TSHZ3: variants seen among roughly 807,000 people sequenced by gnomAD.
TSHZ3 encodes the protein teashirt homolog 3.
A neutral mutation model predicts 64.5 loss-of-function variants in TSHZ3; 10 were observed. The ratio of observed to expected loss-of-function variants is 0.16; its 90% CI spans 0.10 to 0.26. TSHZ3 has a LOEUF of 0.26. Among genes scored for constraint, TSHZ3 ranks in the 10% least tolerant of loss-of-function variants. The pLI is 1.00. For missense variants in TSHZ3, 1,242 were observed against 1,421.7 expected, an observed-to-expected ratio of 0.87 and a Z score of 2.03; for synonymous variants, 608 against 593.1, an observed-to-expected ratio of 1.03 and a Z score of -0.36.
At chr19:31,241,811 C>T (rs1270517836) in intron 3 of TSHZ3, among the ~76,000 whole-genome samples, 5 of 152,190 alleles carry the variant, frequency 3.3e-5, no homozygotes, top group African/African-American at 2.4e-5. Flanking sequence ...GAAATCACTG[C>T]TTTGTGTTAT....
intron 1 of TSHZ3, among the ~76,000 whole-genome samples, chr19:31,292,939 A>T (rs1304831995): frequency 2.0e-5 from 3 of 151,042 alleles, no homozygotes; most frequent in Admixed American, 1.3e-4. Context: ...CCATCCATCC[A>T]ACCAAAAACC....
At chr19:31,151,309 A>G (rs1974235293) in exon 7 of TSHZ3, among the ~76,000 whole-genome samples, 1 of 152,158 alleles carries the variant, frequency 6.6e-6, no homozygotes, top group Non-Finnish European at 1.5e-5. Flanking sequence ...AATGCTGTAC[A>G]TTCTTTACAG....
In TSHZ3 at chr19:31,267,473, C is replaced by T. The variant is rs564596206; in HGVS notation, n.64-24598G>A. On this transcript the variant is annotated intron_variant and non_coding_transcript_variant, in intron 1 of 6. Transcript: ENST00000651361. ...GCCCTCAATCCCCCACCACTCCTTC[C>T]CCTACCCGTGTCCCCAGAGCCTCCA... Among the ~76,000 whole-genome samples, 11 of 152,134 alleles carry T rather than the reference C, an allele frequency of 7.2e-5. No individual in the cohort carries two copies. In the South Asian group the frequency reaches 2.1e-3, roughly 29 times the overall value.
Position 31,254,774 on chromosome 19 carries a change from T to C in TSHZ3, n.64-11899A>G, listed in dbSNP as rs140335612. On this transcript the variant is annotated intron_variant and non_coding_transcript_variant, in intron 1 of 6. Transcript: ENST00000651361. ...CTGCAGTCAATGGGGCTAGTGCGTG[T>C]CTAAGGACAGCGGGAAGTGGCCTGC... 2.4e-3 allele frequency among the ~76,000 whole-genome samples: 365 copies of C among 152,272 alleles called. 1 individual carries two copies. The highest frequency in any genetic ancestry group is 8.4e-3 in the African/African-American group (347 of 41,546).
intron 1 of TSHZ3, among the ~76,000 whole-genome samples, chr19:31,330,659 A>T (rs1917057836): frequency 6.6e-6 from 1 of 151,654 alleles, no homozygotes; most frequent in Non-Finnish European, 1.5e-5. Flanking sequence ...TCTGGGCTCA[A>T]AACATCAATG....
intron 5 of TSHZ3, among the ~76,000 whole-genome samples, chr19:31,173,245 C>T (rs1974561886): frequency 6.6e-6 from 1 of 152,102 alleles, no homozygotes; most frequent in Admixed American, 6.5e-5. Flanking sequence ...AACAGGCTTA[C>T]CTCACAGATT....
At chr19:31,181,441 T>C (rs1396817551) in intron 5 of TSHZ3, among the ~76,000 whole-genome samples, 1 of 152,128 alleles carries the variant, frequency 6.6e-6, no homozygotes. Context: ...GTTTTCTCCA[T>C]GTCTAAGGGG....
At chr19:31,233,251 G>A (rs974054074) in intron 3 of TSHZ3, among the ~76,000 whole-genome samples, 1 of 152,126 alleles carries the variant, frequency 6.6e-6, no homozygotes, top group Non-Finnish European at 1.5e-5. Context: ...TTGTCAGTCT[G>A]TTTAATTTTA....
At chr19:31,273,736 CAT>C (rs1401326826), downstream of TSHZ3, among the ~76,000 whole-genome samples, 2 of 152,176 alleles carry the variant, frequency 1.3e-5, no homozygotes, top group Non-Finnish European at 1.5e-5. Context: ...TGGAGGGAAA[CAT>C]ATGTGTCCTT....
intron 4 of TSHZ3, among the ~76,000 whole-genome samples, chr19:31,206,077 ATGGATGG>A (rs1975164454): frequency 0.22 from 1,101 of 4,896 alleles, 1 homozygote; most frequent in Non-Finnish European, 0.25. Flanking sequence ...GATGGGTGAA[ATGGATGG>A]ATGGATGGAT....
At chr19:31,227,232 A>G (rs1443455633) in intron 4 of TSHZ3, among the ~76,000 whole-genome samples, 5 of 151,830 alleles carry the variant, frequency 3.3e-5, no homozygotes. Context: ...CACCCGTCTC[A>G]GCCTCCCAGA....
chr19:31,279,331 ACTGCTGCTG>A lies in TSHZ3; in HGVS notation c.453_461del (p.Ser157_Ser159del). On this transcript the variant is annotated inframe_deletion, in exon 2 of 2. Coordinates refer to ENST00000240587, the MANE Select transcript of TSHZ3 (RefSeq NM_020856.4). The surrounding 1 kb of genome is among the most constrained non-coding windows in gnomAD (Gnocchi z 6.4). The stretch of plus-strand genomic sequence containing the variant: ...CGCTGCCACAGCTGCTGCTGCTGCT[ACTGCTGCTG>A]CTGCTGCTGCCGTTGTTCTTCTCCG... The A allele has an allele frequency of 1.9e-6, 3 of 1,612,474 alleles. No homozygotes were observed. Among genetic ancestry groups the A allele is most frequent in the Non-Finnish European group, 2.5e-6 (3 of 1,179,016 alleles).
chr19:31,195,873 G>A (rs979600849), intron 5 of TSHZ3, among the ~76,000 whole-genome samples: 12 of 151,902 alleles, frequency 7.9e-5, no homozygotes, highest in Non-Finnish European at 1.6e-4. Context: ...TTAACAATGA[G>A]GATACTTTTT....
intron 5 of TSHZ3, among the ~76,000 whole-genome samples, chr19:31,179,653 T>C (rs1974670621): frequency 6.6e-6 from 1 of 152,068 alleles, no homozygotes; most frequent in South Asian, 2.1e-4. Flanking sequence ...GTGTTTGTGA[T>C]GGTGGCAATG....
chr19:31,164,239 A>G (rs1974411973), intron 5 of TSHZ3, among the ~76,000 whole-genome samples: 1 of 152,132 alleles, frequency 6.6e-6, no homozygotes, highest in East Asian at 1.9e-4. Flanking sequence ...ACATCGCACT[A>G]TTGCCCATGG....
chr19:31,209,600 A>T (rs1975234628), intron 4 of TSHZ3, among the ~76,000 whole-genome samples: 1 of 152,136 alleles, frequency 6.6e-6, no homozygotes, highest in South Asian at 2.1e-4. Flanking sequence ...AGCATTAATG[A>T]TCTCATTATT....
At chr19:31,193,070 C>G (rs1496632) in intron 5 of TSHZ3, among the ~76,000 whole-genome samples, 1 of 151,918 alleles carries the variant, frequency 6.6e-6, no homozygotes, top group Non-Finnish European at 1.5e-5. Flanking sequence ...CTGTGTGGCA[C>G]AGGGAGGCCT....
At chr19:31,154,275 G>T (rs1048191688) in intron 6 of TSHZ3, among the ~76,000 whole-genome samples, 8 of 152,300 alleles carry the variant, frequency 5.3e-5, no homozygotes, top group Admixed American at 2.0e-4. Context: ...TGGTGTATTT[G>T]CTTGCAGTGC....
intron 5 of TSHZ3, among the ~76,000 whole-genome samples, chr19:31,170,583 T>A (rs185621477): frequency 3.3e-5 from 5 of 152,332 alleles, no homozygotes; most frequent in Admixed American, 2.0e-4. Context: ...CTGTTCTCAT[T>A]AGCTGTAATT....
Sources: gnomAD v4.1 joint callset for allele counts (sites outside exome capture counted in the v4.1 genomes callset) on GRCh38, gnomAD v4.1.1 for gene constraint, Gnocchi (gnomAD v3.1) non-coding constraint, MANE v1.5 for transcripts, NCBI Gene and HGNC (gene_info 2026-07-23, HGNC 2026-07-21) for gene names.